DENND1B: variants seen among roughly 807,000 people sequenced by gnomAD.
DENND1B encodes the protein DENN domain containing 1B, also known as DENN domain-containing protein 1B.
DENND1B carries 59 observed loss-of-function variants against 90.1 expected under a neutral mutation model. That is an observed-to-expected ratio of 0.65 (90% CI 0.53 to 0.81). The LOEUF (loss-of-function observed/expected upper bound fraction) is 0.81, where lower values mean the gene tolerates loss of function less well. DENND1B is among the 40% of genes least tolerant of loss of function. The pLI is 0.00. For missense variants in DENND1B, 862 were observed against 912.6 expected, an observed-to-expected ratio of 0.94 and a Z score of 0.71; for synonymous variants, 337 against 324.6, an observed-to-expected ratio of 1.04 and a Z score of -0.41.
intron 16 of DENND1B, among the ~76,000 whole-genome samples, chr1:197,547,891 A>C (rs1352059249): frequency 6.6e-6 from 1 of 152,214 alleles, no homozygotes; most frequent in Admixed American, 6.6e-5. Context: ...TGTATTAAAA[A>C]GCTCTCATCA....
At chr1:197,780,370 G>T (rs1218908317), upstream of DENND1B, among the ~76,000 whole-genome samples, 1 of 149,830 alleles carries the variant, frequency 6.7e-6, no homozygotes, top group Non-Finnish European at 1.5e-5. Context: ...TCTGTCGCCA[G>T]GCTGGAGTGC....
intron 3 of DENND1B, among the ~76,000 whole-genome samples, chr1:197,695,756 T>C (rs554228673): frequency 2.6e-5 from 4 of 151,220 alleles, no homozygotes; most frequent in African/African-American, 9.7e-5. Flanking sequence ...CCAAAAAATA[T>C]CCAATTTTTA....
chr1:197,631,977 C>T (rs1679367549), intron 10 of DENND1B, among the ~76,000 whole-genome samples: 1 of 152,068 alleles, frequency 6.6e-6, no homozygotes, highest in Non-Finnish European at 1.5e-5. Context: ...TCTCCCTTTT[C>T]TTACCTACTC....
At chr1:197,579,667 T>C (rs946518992) in intron 15 of DENND1B, among the ~76,000 whole-genome samples, 8 of 152,314 alleles carry the variant, frequency 5.3e-5, no homozygotes, top group African/African-American at 1.9e-4. Flanking sequence ...AGGACATTCT[T>C]AGTCTACCCT....
chr1:197,746,192 G>A (rs1663729867), intron 2 of DENND1B, among the ~76,000 whole-genome samples: 1 of 152,132 alleles, frequency 6.6e-6, no homozygotes, highest in Admixed American at 6.5e-5. Context: ...AGGAGTTCAA[G>A]ACCAACCTAA....
In DENND1B at chr1:197,658,285, GA is replaced by G; in HGVS notation, c.366+14del. The G allele has an allele frequency of 6.3e-7, 1 of 1,594,708 alleles. No individual in the cohort carries two copies. The highest frequency in any genetic ancestry group is 8.6e-7 in the Non-Finnish European group (1 of 1,165,314). On this transcript the variant is annotated intron_variant, in intron 6 of 22. Coordinates refer to ENST00000620048, the MANE Select transcript of DENND1B (RefSeq NM_001195215.2). Reference sequence around the variant, plus strand: ...TATTTTACCACAATTTAAAAATGGGGAAAAAATAGCTTACCAGTTCCTTAGC... The same window carrying G: ...TATTTTACCACAATTTAAAAATGGGGAAAAATAGCTTACCAGTTCCTTAGC...
rs773797479 is a variant in DENND1B at position 197,652,243 on chromosome 1, A to T, written c.439T>A (p.Leu147Met). Residue 147 changes from leucine to methionine, a missense_variant, in exon 7 of 23, where the codon TTG (leucine) becomes ATG (methionine). Physicochemically the swap from Leu to Met is conservative, Grantham distance 15. Transcript: ENST00000620048. ...ACTGATTGAATACTTACCACACTCA[A>T]ATTTACAGGAGTATTTGCCTTTGGT... ...PVPKANTPVN[L>M]SVNQEIFIAC... The T allele has an allele frequency of 6.2e-7, 1 of 1,609,704 alleles. No individual in the cohort carries two copies. Among genetic ancestry groups the T allele is most frequent in the Non-Finnish European group, 8.5e-7 (1 of 1,178,542 alleles).
chr1:197,746,875 G>A (rs1158263172), intron 2 of DENND1B: 2 of 1,611,978 alleles, frequency 1.2e-6, no homozygotes, highest in East Asian at 2.2e-5. Flanking sequence ...CAAAGTTGTG[G>A]CAGGCAACTG....
chr1:197,693,600 G>A (rs1187433632), intron 3 of DENND1B, among the ~76,000 whole-genome samples: 1 of 151,496 alleles, frequency 6.6e-6, no homozygotes, highest in Non-Finnish European at 1.5e-5. Context: ...CCATTCATCT[G>A]GACTCTTTTA....
At chr1:197,760,894 A>G (rs1259537264) in intron 2 of DENND1B, among the ~76,000 whole-genome samples, 2 of 152,200 alleles carry the variant, frequency 1.3e-5, no homozygotes, top group Non-Finnish European at 1.5e-5. Flanking sequence ...TTCCATTTCA[A>G]TATTTCCACG....
chr1:197,612,391 A>C (rs1677262114), intron 11 of DENND1B, among the ~76,000 whole-genome samples: 1 of 150,518 alleles, frequency 6.6e-6, no homozygotes, highest in Non-Finnish European at 1.5e-5. Context: ...TATTCAATTA[A>C]ATTCTTATTT....
At chr1:197,591,839 G>A (rs1675235672) in intron 14 of DENND1B, among the ~76,000 whole-genome samples, 1 of 151,942 alleles carries the variant, frequency 6.6e-6, no homozygotes. Context: ...GGCCGGGCGC[G>A]GTAGCTCACG....
At chr1:197,629,743 T>C (rs1173312073) in intron 10 of DENND1B, among the ~76,000 whole-genome samples, 1 of 151,772 alleles carries the variant, frequency 6.6e-6, no homozygotes, top group Non-Finnish European at 1.5e-5. Context: ...AAAAACACTG[T>C]CAAGAAAATT....
At chr1:197,647,860 A>G (rs1315765598) in intron 7 of DENND1B, among the ~76,000 whole-genome samples, 2 of 151,818 alleles carry the variant, frequency 1.3e-5, no homozygotes, top group African/African-American at 2.4e-5. Context: ...AGGCAGGAGA[A>G]TCACTCAAAA....
intron 20 of DENND1B, among the ~76,000 whole-genome samples, 199 bp downstream of exon 20, chr1:197,539,765 T>C (rs182029896): frequency 3.9e-4 from 59 of 152,302 alleles, no homozygotes; most frequent in African/African-American, 1.3e-3. Context: ...TAACAAAGCA[T>C]GTAGAGACCG....
chr1:197,654,397 G>A (rs1017891193), intron 6 of DENND1B, among the ~76,000 whole-genome samples: 6 of 152,062 alleles, frequency 3.9e-5, no homozygotes, highest in Admixed American at 3.3e-4. Flanking sequence ...GGATCAAGAG[G>A]TCAGGAGTTT....
chr1:197,682,811 T>C (rs1033629069), intron 3 of DENND1B, among the ~76,000 whole-genome samples: 11 of 152,150 alleles, frequency 7.2e-5, no homozygotes, highest in African/African-American at 1.7e-4. Flanking sequence ...AATGTTGAGA[T>C]AGTAATAAGA....
chr1:197,759,704 C>G (rs943990290), intron 2 of DENND1B, among the ~76,000 whole-genome samples: 10 of 137,120 alleles, frequency 7.3e-5, no homozygotes, highest in South Asian at 4.6e-4. Context: ...GATCGCACCA[C>G]TGCACTCTGG....
intron 13 of DENND1B, among the ~76,000 whole-genome samples, chr1:197,599,480 T>C (rs1023716586): frequency 2.0e-5 from 3 of 151,852 alleles, no homozygotes; most frequent in African/African-American, 7.2e-5. Context: ...TTTTTAAATA[T>C]TTCCTTTCAT....
Sources: gnomAD v4.1 joint callset for allele counts (sites outside exome capture counted in the v4.1 genomes callset) on GRCh38, gnomAD v4.1.1 for gene constraint, MANE v1.5 for transcripts, NCBI Gene and HGNC (gene_info 2026-07-23, HGNC 2026-07-21) for gene names.